The following DDX39B variants were observed in gnomAD, a reference collection of about 807,000 sequenced individuals.
DDX39B encodes the protein DExD-box helicase 39B.
Under a neutral mutation model 46.4 loss-of-function variants are expected in DDX39B, and 6 were observed. The observed-to-expected ratio is 0.13, with a 90% CI of 0.07 to 0.26. The LOEUF (loss-of-function observed/expected upper bound fraction) is 0.26, where lower values mean the gene tolerates loss of function less well. Ranked by LOEUF, DDX39B falls within the 10% of genes least tolerant of loss-of-function variation. The pLI is 1.00. For synonymous variants in DDX39B, 174 were observed against 199.4 expected, an observed-to-expected ratio of 0.87 and a Z score of 1.07; for missense variants, 185 against 553.4, an observed-to-expected ratio of 0.33 and a Z score of 6.68.
Position 31,535,189 on chromosome 6 carries a change from C to T in DDX39B, c.735+178G>A, listed in dbSNP as rs1767648073. On this transcript the variant is annotated intron_variant, in intron 6 of 10. Coordinates refer to ENST00000396172, the MANE Select transcript of DDX39B (RefSeq NM_004640.7). This position sits in a 1 kb window ranked among gnomAD's most constrained non-coding sequence, Gnocchi z 4.6. ...TTCCGGAGTTTCCCTGGCACCCGCGCAGGCCCTAACACTAGCTGTCTCTGC... is the reference window on the plus strand; with the variant it reads ...TTCCGGAGTTTCCCTGGCACCCGCGTAGGCCCTAACACTAGCTGTCTCTGC... 1 of 660,698 alleles carries T rather than the reference C, an allele frequency of 1.5e-6. No homozygotes were observed. The highest frequency in any genetic ancestry group is 2.7e-6 in the Non-Finnish European group (1 of 365,306). The allele number at this position is 660,698 out of a possible 1,614,324, so 40.9% of individuals were successfully genotyped here.
In DDX39B at chr6:31,530,950, C is replaced by A. The variant is rs1277410496; in HGVS notation, c.1123-24G>T. On this transcript the variant is annotated intron_variant, in intron 9 of 10. Coordinates refer to ENST00000396172, the MANE Select transcript of DDX39B (RefSeq NM_004640.7). This position sits in a 1 kb window ranked among gnomAD's most constrained non-coding sequence, Gnocchi z 4.5. ...ACCTGGAGGGAGACAGAGGGTAGCACTGGAAGACCGAAGAGGAAAGAGACC... is the reference window on the plus strand; with the variant it reads ...ACCTGGAGGGAGACAGAGGGTAGCAATGGAAGACCGAAGAGGAAAGAGACC... 3.1e-6 allele frequency: 5 copies of A among 1,613,842 alleles called. No homozygotes were observed. The highest frequency in any genetic ancestry group is 4.2e-6 in the Non-Finnish European group (5 of 1,179,924).
In DDX39B at chr6:31,531,414, G is replaced by A. The variant is rs756584188; in HGVS notation, c.868-9C>T. On this transcript the variant is annotated splice_polypyrimidine_tract_variant and intron_variant, in intron 7 of 10. Coordinates refer to ENST00000396172, the MANE Select transcript of DDX39B (RefSeq NM_004640.7). The surrounding 1 kb of genome is among the most constrained non-coding windows in gnomAD (Gnocchi z 5.8). ...TTCACAAAGATCACCACCTGTTGTG[G>A]GGTGGGGTGGGGGGTCGCAAATTGG... 6 of 1,613,832 alleles carry A rather than the reference G, an allele frequency of 3.7e-6. No homozygotes were observed. The highest frequency in any genetic ancestry group is 5.1e-6 in the Non-Finnish European group (6 of 1,179,800).
At position 31,534,365 on chromosome 6, in the gene DDX39B, A is replaced by G. The variant is rs1767529834; in HGVS notation, c.735+1002T>C. 4 of 415,688 alleles carry G rather than the reference A, an allele frequency of 9.6e-6. No individual in the cohort carries two copies. The highest frequency in any genetic ancestry group is 3.5e-5 in the South Asian group (2 of 56,882). 25.7% of individuals were successfully genotyped at this position (415,688 alleles called of 1,614,324 possible). The stretch of plus-strand genomic sequence containing the variant: ...TCTCATTCTAGCCCCAAATACAGCT[A>G]AAGAGTGATCATCCCACGGGAAGGA... On this transcript the variant is annotated intron_variant, in intron 6 of 10. Transcript: ENST00000396172. This position sits in a 1 kb window ranked among gnomAD's most constrained non-coding sequence, Gnocchi z 5.1.
Position 31,540,564 on chromosome 6 carries a change from G to A in DDX39B, c.-32C>T, listed in dbSNP as rs1188882760. 2.5e-6 allele frequency: 4 copies of A among 1,610,094 alleles called. No homozygotes were observed. The highest frequency in any genetic ancestry group is 2.5e-6 in the Non-Finnish European group (3 of 1,177,488). On this transcript the variant is annotated 5_prime_UTR_variant, in exon 2 of 11. Coordinates refer to ENST00000396172, the MANE Select transcript of DDX39B (RefSeq NM_004640.7). ...GCCGGCAGGGGAAGAAGGGAAGGGG[G>A]ATCTGGATGGGTTCTCGCAAAATAG...
intron 7 of DDX39B, 172 bp downstream of exon 7, chr6:31,532,608 T>A: frequency 1.3e-6 from 1 of 770,176 alleles, no homozygotes; most frequent in Non-Finnish European, 2.0e-6. Flanking sequence ...AGCCATAGAA[T>A]AGAAAAGCAG....
chr6:31,535,249 G>A lies in DDX39B; in HGVS notation c.735+118C>T. ...TCTCTTCAAGGAGTCATTACTCCCA[G>A]TTGGGCACAAGCCGCCTTCTTGGCA... On this transcript the variant is annotated intron_variant, in intron 6 of 10. Transcript: ENST00000396172. The surrounding 1 kb of genome is among the most constrained non-coding windows in gnomAD (Gnocchi z 4.6). The A allele has an allele frequency of 2.1e-6, 2 of 950,560 alleles. No individual in the cohort carries two copies. The highest frequency in any genetic ancestry group is 3.4e-6 in the Non-Finnish European group (2 of 587,366). The allele number at this position is 950,560 out of a possible 1,614,324, so 58.9% of individuals were successfully genotyped here.
Position 31,539,177 on chromosome 6 carries a change from T to C in DDX39B, c.309A>G (p.Thr103=). Residue 103 remains threonine (T), a synonymous_variant, in exon 3 of 11, where the codon ACA becomes ACG. Transcript: ENST00000396172. ...CAGTAACTGGCTCCAGCTGTTGCAG[T>C]GTGGCCAAGACAAACACTGCTGTCT... The part of the protein sequence containing the change: ...MGKTAVFVLA[T]LQQLEPVTGQ... 1.2e-6 allele frequency: 2 copies of C among 1,613,232 alleles called. No homozygotes were observed. The highest frequency in any genetic ancestry group is 1.7e-6 in the Non-Finnish European group (2 of 1,180,028).
intron 5 of DDX39B, 61 bp downstream of exon 5, chr6:31,536,439 C>T (rs551501760): frequency 1.2e-6 from 2 of 1,608,484 alleles, no homozygotes; most frequent in African/African-American, 2.7e-5. Flanking sequence ...TTCAAATAAA[C>T]ATCATTTGGC....
chr6:31,531,271 AAT>A lies in DDX39B; in HGVS notation c.977+23_977+24del. On this transcript the variant is annotated intron_variant, in intron 8 of 10. Coordinates refer to ENST00000396172, the MANE Select transcript of DDX39B (RefSeq NM_004640.7). The surrounding 1 kb of genome is among the most constrained non-coding windows in gnomAD (Gnocchi z 5.8). ...CTGTCTTTTTCTCCCAAGGACACAA[AAT>A]ATCTTTCCCATCTTCAGCTCACCTC... is the stretch of plus-strand genomic sequence containing the variant. 1.2e-6 allele frequency: 2 copies of A among 1,614,122 alleles called. No individual in the cohort carries two copies. Among genetic ancestry groups the A allele is most frequent in the Non-Finnish European group, 8.5e-7 (1 of 1,180,008 alleles).
intron 4 of DDX39B, among the ~76,000 whole-genome samples, chr6:31,537,364 T>TGCA (rs964616713): frequency 2.0e-5 from 3 of 152,252 alleles, no homozygotes; most frequent in African/African-American, 7.2e-5. Context: ...AGGTGGAGAT[T>TGCA]GCAGTGAGGC....
At position 31,530,641 on chromosome 6, in the gene DDX39B, C is replaced by T; in HGVS notation, c.1270+138G>A. Reference sequence around the variant, plus strand: ...TAAAGGTCAGAAAAACATCCCAACACAGCATCAAAGACCAGGGGGCATGAA... The same window carrying T: ...TAAAGGTCAGAAAAACATCCCAACATAGCATCAAAGACCAGGGGGCATGAA... On this transcript the variant is annotated intron_variant, in intron 10 of 10. Transcript: ENST00000396172. The surrounding 1 kb of genome is among the most constrained non-coding windows in gnomAD (Gnocchi z 4.5). The T allele has an allele frequency of 2.2e-6, 3 of 1,351,470 alleles. No individual in the cohort carries two copies. The highest frequency in any genetic ancestry group is 2.3e-5 in the East Asian group (1 of 42,826). 83.7% of individuals were successfully genotyped at this position (1,351,470 alleles called of 1,614,324 possible).
At chr6:31,540,181 T>C in intron 2 of DDX39B, 141 bp downstream of exon 2, 1 of 910,018 alleles carries the variant, frequency 1.1e-6, no homozygotes, top group Non-Finnish European at 1.7e-6. Flanking sequence ...AGTGCTGGGA[T>C]TACAGGCGTG....
intron 5 of DDX39B, 129 bp downstream of exon 5, chr6:31,536,371 C>CA: frequency 7.5e-7 from 1 of 1,337,816 alleles, no homozygotes; most frequent in Non-Finnish European, 1.1e-6. Context: ...CCAGGGAACC[C>CA]AGAGCCATCA....
intron 2 of DDX39B, among the ~76,000 whole-genome samples, chr6:31,539,790 C>G (rs1432331919): frequency 6.6e-6 from 1 of 152,168 alleles, no homozygotes; most frequent in African/African-American, 2.4e-5. Context: ...CAGGTCCAAG[C>G]AGGACCTTTC....
intron 1 of DDX39B, chr6:31,540,913 A>C (rs978226905): frequency 5.0e-6 from 2 of 403,956 alleles, no homozygotes; most frequent in Admixed American, 3.7e-5. Flanking sequence ...TTGGAAGGGG[A>C]AGACCAACTT....
Position 31,535,850 on chromosome 6 carries a change from T to C in DDX39B, c.617-365A>G, listed in dbSNP as rs1057484807. On this transcript the variant is annotated intron_variant, in intron 5 of 10. Transcript: ENST00000396172. This position sits in a 1 kb window ranked among gnomAD's most constrained non-coding sequence, Gnocchi z 4.6. Reference sequence around the variant, plus strand: ...ATTATATTCCAGATATCAGAGTCCATCTATGACTCTCTGGATTACTTTTCT... The same window carrying C: ...ATTATATTCCAGATATCAGAGTCCACCTATGACTCTCTGGATTACTTTTCT... Among the ~76,000 whole-genome samples, 2 of 152,150 alleles carry C rather than the reference T, an allele frequency of 1.3e-5. No homozygotes were observed. Among genetic ancestry groups the C allele is most frequent in the Non-Finnish European group, 2.9e-5 (2 of 68,022 alleles).
At chr6:31,532,111 C>T (rs934184663) in intron 7 of DDX39B, among the ~76,000 whole-genome samples, 2 of 152,172 alleles carry the variant, frequency 1.3e-5, no homozygotes, top group African/African-American at 2.4e-5. Flanking sequence ...GGATTATGGG[C>T]ATGAGCCACT....
chr6:31,533,879 C>T (rs1300689844), intron 6 of DDX39B: 1 of 152,224 alleles, frequency 6.6e-6, no homozygotes, highest in Non-Finnish European at 1.5e-5. Flanking sequence ...ACTCCAAAGC[C>T]CAACTTTCCT....
At chr6:31,540,781 C>T (rs774556012) in intron 1 of DDX39B, 117 bp from the exon 2 acceptor site, 7 of 568,174 alleles carry the variant, frequency 1.2e-5, no homozygotes, top group Non-Finnish European at 2.2e-5. Context: ...GAAAGAAAAA[C>T]AGATACAAAA....
Sources: allele counts gnomAD v4.1 joint callset (sites outside exome capture counted in the v4.1 genomes callset), GRCh38; gene constraint gnomAD v4.1.1; non-coding constraint Gnocchi (gnomAD v3.1); transcripts MANE v1.5; gene names NCBI Gene and HGNC (gene_info 2026-07-23, HGNC 2026-07-21).